The following MAD1L1 variants were observed in gnomAD, a reference collection of about 807,000 sequenced individuals.
The protein encoded by MAD1L1 is mitotic arrest deficient 1 like 1.
In MAD1L1, 95 loss-of-function variants were observed where a neutral mutation model predicts 96.9. The observed-to-expected ratio is 0.98, with a 90% CI of 0.83 to 1.16. MAD1L1 has a LOEUF of 1.16. Ranked by LOEUF, MAD1L1 falls within the 50% of genes most tolerant of loss-of-function variation. MAD1L1 has a pLI of 0.00. For synonymous variants in MAD1L1, 473 were observed against 396.6 expected (o/e 1.19, Z -2.29); for missense variants, 1,007 against 954.4 (o/e 1.06, Z -0.73).
At chr7:1,851,056 A>C (rs957131476) in intron 18 of MAD1L1, among the ~76,000 whole-genome samples, 2 of 152,208 alleles carry the variant, frequency 1.3e-5, no homozygotes, top group African/African-American at 4.8e-5. Flanking sequence ...GGAGCCAACA[A>C]GGTGGCAGGG....
intron 11 of MAD1L1, among the ~76,000 whole-genome samples, chr7:2,107,039 G>A (rs543254880): frequency 6.6e-6 from 1 of 152,260 alleles, no homozygotes; most frequent in South Asian, 2.1e-4. Context: ...GGCTCCCAAG[G>A]ACAGGAAGGG....
chr7:1,964,520 T>C (rs1780080591), intron 15 of MAD1L1, among the ~76,000 whole-genome samples: 1 of 152,186 alleles, frequency 6.6e-6, no homozygotes, highest in African/African-American at 2.4e-5. Context: ...AACAAACGAA[T>C]AAACAAGTTG....
At chr7:2,197,273 G>C (rs866383734) in intron 10 of MAD1L1, among the ~76,000 whole-genome samples, 1 of 152,100 alleles carries the variant, frequency 6.6e-6, no homozygotes, top group Non-Finnish European at 1.5e-5. Context: ...ATCTCTTCAG[G>C]AGCCACGCTT....
chr7:1,831,493 G>C (rs1181974749), intron 18 of MAD1L1, among the ~76,000 whole-genome samples: 2 of 152,176 alleles, frequency 1.3e-5, no homozygotes, highest in Non-Finnish European at 2.9e-5. Flanking sequence ...TGGCTTCTAG[G>C]TGTTCAAGTG....
At chr7:2,126,065 G>A (rs966684398) in intron 11 of MAD1L1, among the ~76,000 whole-genome samples, 1 of 152,218 alleles carries the variant, frequency 6.6e-6, no homozygotes, top group Admixed American at 6.5e-5. Context: ...CTGGAGCAGT[G>A]GACTCGGGGA....
At chr7:2,099,761 G>A (rs1424864342) in intron 11 of MAD1L1, among the ~76,000 whole-genome samples, 1 of 152,216 alleles carries the variant, frequency 6.6e-6, no homozygotes, top group African/African-American at 2.4e-5. Context: ...GTCCTCAGGC[G>A]TGAGCTCTCA....
At chr7:2,165,892 TA>T (rs1413839410) in intron 10 of MAD1L1, among the ~76,000 whole-genome samples, 4 of 152,158 alleles carry the variant, frequency 2.6e-5, no homozygotes, top group Non-Finnish European at 5.9e-5. Context: ...CAGGTCTGTG[TA>T]CGCAGAATGA....
chr7:1,982,104 C>A (rs1331037336), intron 14 of MAD1L1, among the ~76,000 whole-genome samples: 1 of 152,140 alleles, frequency 6.6e-6, no homozygotes, highest in African/African-American at 2.4e-5. Context: ...TGTCTATGTT[C>A]TTCCTCCCAC....
chr7:2,123,196 G>C (rs1214414332), intron 11 of MAD1L1, among the ~76,000 whole-genome samples: 1 of 151,894 alleles, frequency 6.6e-6, no homozygotes, highest in Non-Finnish European at 1.5e-5. Flanking sequence ...TCAGCTACTC[G>C]GGAGGCTGAG....
At chr7:1,913,443 A>AGGGAGCGAAGGGAAT (rs57726885) in intron 17 of MAD1L1, among the ~76,000 whole-genome samples, 2 of 151,962 alleles carry the variant, frequency 1.3e-5, no homozygotes, top group Non-Finnish European at 2.9e-5. Flanking sequence ...GGCCTGGAGA[A>AGGGAGCGAAGGGAAT]GGGAACCGTC....
chr7:1,916,107 C>G (rs775197853), intron 17 of MAD1L1, among the ~76,000 whole-genome samples: 4 of 152,168 alleles, frequency 2.6e-5, no homozygotes, highest in African/African-American at 4.8e-5. Flanking sequence ...CACTCCGCAC[C>G]CACCAGTGGG....
intron 17 of MAD1L1, among the ~76,000 whole-genome samples, chr7:1,912,763 C>T (rs776223509): frequency 2.0e-5 from 3 of 152,214 alleles, no homozygotes; most frequent in Non-Finnish European, 4.4e-5. Flanking sequence ...TGCCCCACAG[C>T]GATATCACAG....
At chr7:1,884,238 C>T (rs1239727954) in intron 18 of MAD1L1, among the ~76,000 whole-genome samples, 1 of 152,228 alleles carries the variant, frequency 6.6e-6, no homozygotes, top group Non-Finnish European at 1.5e-5. Context: ...GCTGAAGAGA[C>T]GTGGCCACCC....
intron 12 of MAD1L1, among the ~76,000 whole-genome samples, chr7:2,056,846 T>C (rs1275608434): frequency 1.3e-5 from 2 of 152,194 alleles, no homozygotes; most frequent in Non-Finnish European, 2.9e-5. Flanking sequence ...GTCTTCCCAC[T>C]GCACCACGAC....
chr7:2,230,549 G>C lies in MAD1L1; in HGVS notation c.-11C>G, dbSNP rs886539825. On this transcript the variant is annotated splice_region_variant and 5_prime_UTR_variant, in exon 2 of 19. Transcript: ENST00000265854. ...GGCTTTATTGGGGAAACTGACTCACGCGATTACAGAGACTGTCCCACAACA... is the reference window on the plus strand; with the variant it reads ...GGCTTTATTGGGGAAACTGACTCACCCGATTACAGAGACTGTCCCACAACA... 5.5e-6 allele frequency: 1 copy of C among 182,350 alleles called. No individual in the cohort carries two copies. The highest frequency in any genetic ancestry group is 2.3e-5 in the African/African-American group (1 of 42,870). The allele number at this position is 182,350 out of a possible 1,614,324, so 11.3% of individuals were successfully genotyped here.
At chr7:2,140,654 A>G (rs1788984274) in intron 11 of MAD1L1, among the ~76,000 whole-genome samples, 2 of 152,168 alleles carry the variant, frequency 1.3e-5, no homozygotes, top group African/African-American at 2.4e-5. Context: ...CGCCAGGAGA[A>G]ACCCCAAGGA....
intron 15 of MAD1L1, among the ~76,000 whole-genome samples, chr7:1,975,489 C>T (rs150028689): frequency 3.0e-4 from 45 of 152,260 alleles, no homozygotes; most frequent in Non-Finnish European, 4.3e-4. Flanking sequence ...GGGCTGGGCA[C>T]GGTGAGCTCA....
chr7:1,857,827 T>G (rs1784333798), intron 18 of MAD1L1, among the ~76,000 whole-genome samples: 1 of 152,156 alleles, frequency 6.6e-6, no homozygotes, highest in Non-Finnish European at 1.5e-5. Context: ...GTCCTTGTCT[T>G]TCTCATCCAC....
chr7:2,028,637 C>T (rs192727832), intron 12 of MAD1L1, among the ~76,000 whole-genome samples: 267 of 152,144 alleles, frequency 1.8e-3, no homozygotes, highest in Non-Finnish European at 2.4e-3. Context: ...CTGATGCAGA[C>T]AAGCAGAGAG....
Sources: allele counts gnomAD v4.1 joint callset (sites outside exome capture counted in the v4.1 genomes callset), GRCh38; gene constraint gnomAD v4.1.1; transcripts MANE v1.5; gene names NCBI Gene and HGNC (gene_info 2026-07-23, HGNC 2026-07-21).